The following SFTPD variants were observed in gnomAD, a reference collection of about 807,000 sequenced individuals.
SFTPD encodes the protein pulmonary surfactant-associated protein D.
SFTPD carries 18 observed loss-of-function variants against 34.6 expected under a neutral mutation model. The observed-to-expected ratio is 0.52, with a 90% CI of 0.36 to 0.77. The LOEUF (loss-of-function observed/expected upper bound fraction) is 0.77, where lower values mean the gene tolerates loss of function less well. Ranked by LOEUF, SFTPD falls within the 30% of genes least tolerant of loss-of-function variation. SFTPD has a pLI of 0.00. For synonymous variants in SFTPD, 155 were observed against 180.9 expected, an observed-to-expected ratio of 0.86 and a Z score of 1.15; for missense variants, 433 against 468.9, an observed-to-expected ratio of 0.92 and a Z score of 0.71.
chr10:79,945,473 A>T (rs1842655659), intron 2 of SFTPD, among the ~76,000 whole-genome samples: 1 of 152,184 alleles, frequency 6.6e-6, no homozygotes, highest in Admixed American at 6.5e-5. Context: ...GATCCCTTTG[A>T]AGCCCTGCCC....
upstream of SFTPD, among the ~76,000 whole-genome samples, chr10:79,949,732 C>T (rs1004784070): frequency 6.6e-6 from 1 of 152,178 alleles, no homozygotes; most frequent in African/African-American, 2.4e-5. Context: ...CAGACCTCTG[C>T]CTTGCCTTGT....
At chr10:79,949,022 G>A (rs1329310169) in intron 1 of SFTPD, 44 bp downstream of exon 1, 2 of 152,194 alleles carry the variant, frequency 1.3e-5, no homozygotes, top group Admixed American at 6.5e-5. Flanking sequence ...GATATTTATA[G>A]GATGTGGAGA....
chr10:79,979,571 A>C (rs1245083103), intron 1 of SFTPD, among the ~76,000 whole-genome samples: 12 of 152,248 alleles, frequency 7.9e-5, no homozygotes, highest in Non-Finnish European at 1.8e-4. Flanking sequence ...CACAGGACAC[A>C]GTTCAGCCAG....
At chr10:79,962,146 G>C (rs1454276965) in intron 1 of SFTPD, among the ~76,000 whole-genome samples, 15 of 119,508 alleles carry the variant, frequency 1.3e-4, no homozygotes, top group Non-Finnish European at 2.0e-4. Context: ...GGACTGTTGT[G>C]GGGTGGGGGG....
chr10:79,981,808 G>T (rs576481111), intron 1 of SFTPD: 6 of 181,134 alleles, frequency 3.3e-5, no homozygotes, highest in South Asian at 2.6e-4. Context: ...CGCCCGGGGC[G>T]CCCAGCGCGC....
chr10:79,960,953 G>A (rs1458794704), intron 1 of SFTPD, among the ~76,000 whole-genome samples: 1 of 152,106 alleles, frequency 6.6e-6, no homozygotes, highest in Non-Finnish European at 1.5e-5. Context: ...CAGAGATATA[G>A]ATCAATGGAA....
chr10:79,967,730 C>G (rs574069581), intron 1 of SFTPD, among the ~76,000 whole-genome samples: 3 of 152,012 alleles, frequency 2.0e-5, no homozygotes, highest in Admixed American at 1.3e-4. Context: ...CAGGCCTGCA[C>G]GTATACATCC....
At chr10:79,979,066 A>G (rs1842877518) in intron 1 of SFTPD, among the ~76,000 whole-genome samples, 1 of 152,202 alleles carries the variant, frequency 6.6e-6, no homozygotes. Flanking sequence ...AAACTATCAG[A>G]AACAAAAATT....
intron 1 of SFTPD, among the ~76,000 whole-genome samples, chr10:79,973,797 A>G (rs1842848682): frequency 6.6e-6 from 1 of 152,166 alleles, no homozygotes. Context: ...GCTTGCATCT[A>G]CAAAGGTGCC....
At chr10:79,946,059 AT>A (rs17886726) in intron 2 of SFTPD, among the ~76,000 whole-genome samples, 15,428 of 152,120 alleles carry the variant, frequency 0.1, 1,516 homozygotes, top group East Asian at 0.39. Flanking sequence ...ATGGAGCCCC[AT>A]TTTTTTCCCA....
At chr10:79,968,780 C>T (rs1228511766) in intron 1 of SFTPD, 3 of 152,210 alleles carry the variant, frequency 2.0e-5, no homozygotes, top group African/African-American at 7.2e-5. Context: ...AACTAATTTA[C>T]ATTCCCACCA....
chr10:79,956,658 C>T (rs1041266497), intron 1 of SFTPD, among the ~76,000 whole-genome samples: 4 of 152,242 alleles, frequency 2.6e-5, no homozygotes, highest in Non-Finnish European at 4.4e-5. Context: ...CCGGGAAGCT[C>T]GAACTGGGTG....
intron 1 of SFTPD, chr10:79,973,223 G>T (rs1842845259): frequency 1.3e-5 from 2 of 152,154 alleles, no homozygotes; most frequent in South Asian, 2.1e-4. Flanking sequence ...CAAGCCTCTT[G>T]GTTGTGTTTC....
intron 1 of SFTPD, among the ~76,000 whole-genome samples, chr10:79,964,396 T>C (rs1360737395): frequency 6.6e-6 from 1 of 152,188 alleles, no homozygotes; most frequent in Non-Finnish European, 1.5e-5. Flanking sequence ...ACTGATAAGG[T>C]AGCTAAAAAA....
chr10:79,957,707 C>T (rs1181111587), intron 1 of SFTPD, among the ~76,000 whole-genome samples: 4 of 152,166 alleles, frequency 2.6e-5, no homozygotes, highest in Admixed American at 2.0e-4. Context: ...GAGAATGGAA[C>T]CAAGCTGGAA....
chr10:79,978,421 G>A (rs948723085), intron 1 of SFTPD, among the ~76,000 whole-genome samples: 38 of 152,250 alleles, frequency 2.5e-4, no homozygotes, highest in Middle Eastern at 3.4e-3. Flanking sequence ...GGAGGCCAAC[G>A]TGGGTGGATC....
intron 1 of SFTPD, among the ~76,000 whole-genome samples, chr10:79,979,504 G>A (rs1191975996): frequency 6.6e-6 from 1 of 152,220 alleles, no homozygotes; most frequent in Non-Finnish European, 1.5e-5. Context: ...ACTTGGGAGA[G>A]AGAGAGCAAA....
intron 1 of SFTPD, among the ~76,000 whole-genome samples, chr10:79,973,778 T>C (rs1022084110): frequency 6.6e-6 from 1 of 152,212 alleles, no homozygotes. Context: ...TACCCAGCTC[T>C]AGTTCATAGC....
chr10:79,963,299 T>C (rs1842785582), intron 1 of SFTPD, among the ~76,000 whole-genome samples: 1 of 151,206 alleles, frequency 6.6e-6, no homozygotes, highest in Non-Finnish European at 1.5e-5. Flanking sequence ...TGCAGTGAGC[T>C]ATGACCACCA....
Sources: allele counts gnomAD v4.1 joint callset (sites outside exome capture counted in the v4.1 genomes callset), GRCh38; gene constraint gnomAD v4.1.1; transcripts MANE v1.5; gene names NCBI Gene and HGNC (gene_info 2026-07-23, HGNC 2026-07-21).